CD2AP: variants seen among roughly 807,000 people sequenced by gnomAD.
CD2AP encodes CD2 associated protein, also known as CD2-associated protein.
Under a neutral mutation model 85.1 loss-of-function variants are expected in CD2AP, and 46 were observed. The observed-to-expected ratio is 0.54, with a 90% confidence interval of 0.43 to 0.69. The LOEUF (loss-of-function observed/expected upper bound fraction) is 0.69. Among genes scored for constraint, CD2AP ranks in the 30% least tolerant of loss-of-function variants. The pLI, the probability that CD2AP is intolerant of heterozygous loss-of-function variation, is 0.00. For synonymous variants in CD2AP, 255 were observed against 252.9 expected (o/e 1.01, Z -0.08); for missense variants, 769 against 729.5 (o/e 1.05, Z -0.62).
intron 16 of CD2AP, among the ~76,000 whole-genome samples, chr6:47,610,971 A>ATATATATATATATATATATATATT: frequency 2.7e-4 from 31 of 112,856 alleles, no homozygotes; most frequent in South Asian, 5.7e-4. Context: ...ATATATATGT[A>ATATATATATATATATATATATATT]TTTTTTTTTT....
chr6:47,505,918 T>G (rs1766148742), intron 2 of CD2AP, among the ~76,000 whole-genome samples: 1 of 101,630 alleles, frequency 9.8e-6, no homozygotes, highest in Non-Finnish European at 2.1e-5. Context: ...CCCACCTCCC[T>G]CCCGGACGGG....
chr6:47,533,571 C>T, intron 2 of CD2AP, 31 bp from the exon 3 acceptor site: 1 of 1,604,440 alleles, frequency 6.2e-7, no homozygotes, highest in Non-Finnish European at 8.5e-7. Context: ...TATAACTTAA[C>T]TTGCCTCTTT....
intron 11 of CD2AP, among the ~76,000 whole-genome samples, chr6:47,594,189 T>C (rs887137811): frequency 3.3e-5 from 5 of 152,016 alleles, no homozygotes; most frequent in African/African-American, 1.2e-4. Context: ...TAGAAGTAGA[T>C]AAAGGTGGTG....
At chr6:47,526,660 C>T (rs1353341953) in intron 2 of CD2AP, among the ~76,000 whole-genome samples, 3 of 152,116 alleles carry the variant, frequency 2.0e-5, no homozygotes, top group Admixed American at 6.6e-5. Flanking sequence ...GATTTGTATA[C>T]AGTTTGTCTG....
chr6:47,558,906 T>G (rs1341143293), intron 5 of CD2AP, among the ~76,000 whole-genome samples: 1 of 152,196 alleles, frequency 6.6e-6, no homozygotes, highest in East Asian at 1.9e-4. Context: ...TGGTACCAGC[T>G]CCTCTTTGTA....
chr6:47,612,687 AG>A (rs1769480350), intron 17 of CD2AP, 151 bp downstream of exon 17: 2 of 657,116 alleles, frequency 3.0e-6, no homozygotes, highest in Admixed American at 2.3e-5. Context: ...TCACAAAAAA[AG>A]AATGAGATCC....
chr6:47,477,977 GGTAGGGCCC>G lies in CD2AP; in HGVS notation c.-267_-259del. On this transcript the variant is annotated 5_prime_UTR_variant, in exon 1 of 18. Transcript: ENST00000359314. ...GGGAAAACCGCGGTCGGGCGGGCGGGGTAGGGCCCTCCCGCCGCCGTGGCTCCTGGGGAG... is the reference window on the plus strand; with the variant it reads ...GGGAAAACCGCGGTCGGGCGGGCGGGTCCCGCCGCCGTGGCTCCTGGGGAG... 1.8e-6 allele frequency: 1 copy of G among 561,604 alleles called. No homozygotes were observed. The highest frequency in any genetic ancestry group is 3.2e-6 in the Non-Finnish European group (1 of 316,500). The allele number at this position is 561,604 out of a possible 1,614,324, so 34.8% of individuals were successfully genotyped here.
intron 1 of CD2AP, among the ~76,000 whole-genome samples, chr6:47,479,192 C>T (rs1372412596): frequency 6.6e-6 from 1 of 152,160 alleles, no homozygotes; most frequent in Admixed American, 6.5e-5. Context: ...TAAGAGTAAA[C>T]CCAAGTTTGA....
rs60486147 is a variant in CD2AP, at chr6:47,624,679, CTGTGTGTGTG to C, written c.*486_*495del. 1.6e-4 allele frequency: 19 copies of C among 121,476 alleles called. 1 individual carries two copies. The highest frequency in any genetic ancestry group is 2.5e-4 in the South Asian group (1 of 4,058). 7.5% of individuals were successfully genotyped at this position (121,476 alleles called of 1,614,324 possible). A position where few individuals can be genotyped will look rare whatever the true frequency, so the allele number is the denominator to read the frequency against. On this transcript the variant is annotated 3_prime_UTR_variant, in exon 18 of 18. Coordinates refer to ENST00000359314, the MANE Select transcript of CD2AP (RefSeq NM_012120.3). ...CCATAATGCATAAGGGATATAAACT[CTGTGTGTGTG>C]TGTGTGTGTGTGTGTGTGTGTGTGT...
chr6:47,533,814 T>A, intron 3 of CD2AP, 59 bp downstream of exon 3: 2 of 1,557,954 alleles, frequency 1.3e-6, no homozygotes, highest in Non-Finnish European at 1.8e-6. Flanking sequence ...ATTTTATAAC[T>A]GTGTCTAAAT....
chr6:47,529,858 T>C (rs1766825832), intron 2 of CD2AP, among the ~76,000 whole-genome samples: 1 of 152,262 alleles, frequency 6.6e-6, no homozygotes, highest in Admixed American at 6.5e-5. Context: ...ATCAGCCGTC[T>C]GCTCGCCTTG....
At chr6:47,535,872 G>A (rs1242827918) in intron 3 of CD2AP, among the ~76,000 whole-genome samples, 4 of 152,182 alleles carry the variant, frequency 2.6e-5, no homozygotes, top group Admixed American at 6.5e-5. Context: ...ACTCTAGGGA[G>A]CTATAAAGGG....
intron 2 of CD2AP, among the ~76,000 whole-genome samples, chr6:47,523,496 CAAT>C (rs1218249877): frequency 6.6e-6 from 1 of 152,046 alleles, no homozygotes; most frequent in Non-Finnish European, 1.5e-5. Context: ...TCTTCATTGA[CAAT>C]AAGTAAAAAT....
intron 5 of CD2AP, chr6:47,562,874 T>C: frequency 1.3e-6 from 1 of 773,654 alleles, no homozygotes. Flanking sequence ...AACAAGCAAC[T>C]GTAGGGGAAT....
At chr6:47,536,641 A>T (rs1245577888) in intron 3 of CD2AP, among the ~76,000 whole-genome samples, 1 of 152,198 alleles carries the variant, frequency 6.6e-6, no homozygotes, top group African/African-American at 2.4e-5. Context: ...TAAGCATGGT[A>T]GCTCATTTGG....
chr6:47,578,770 T>C (rs1366234781), intron 8 of CD2AP, among the ~76,000 whole-genome samples: 2 of 151,582 alleles, frequency 1.3e-5, no homozygotes, highest in East Asian at 1.9e-4. Context: ...AATTCTCCTG[T>C]CTCAGCCTCC....
chr6:47,557,407 A>G (rs1242558864), intron 5 of CD2AP, among the ~76,000 whole-genome samples: 6 of 152,258 alleles, frequency 3.9e-5, no homozygotes, highest in Middle Eastern at 3.4e-3. Context: ...GCCCATGCCT[A>G]TGTCCTGAAT....
intron 4 of CD2AP, among the ~76,000 whole-genome samples, chr6:47,546,368 C>T (rs992802365): frequency 2.0e-5 from 3 of 151,632 alleles, no homozygotes; most frequent in Admixed American, 6.6e-5. Flanking sequence ...AACGACCAAA[C>T]GTAAGAATAG....
chr6:47,553,719 T>C (rs1357293458), intron 4 of CD2AP, among the ~76,000 whole-genome samples: 3 of 152,172 alleles, frequency 2.0e-5, no homozygotes, highest in East Asian at 3.9e-4. Flanking sequence ...TCAGAAACTA[T>C]ACATTTTTAA....
Sources: gnomAD v4.1 joint callset for allele counts (sites outside exome capture counted in the v4.1 genomes callset) on GRCh38, gnomAD v4.1.1 for gene constraint, MANE v1.5 for transcripts, NCBI Gene and HGNC (gene_info 2026-07-23, HGNC 2026-07-21) for gene names.